The following LILRB5 variants were observed in gnomAD, a reference collection of about 807,000 sequenced individuals.
LILRB5 encodes leukocyte immunoglobulin-like receptor subfamily B member 5.
Under a neutral mutation model 68.4 loss-of-function variants are expected in LILRB5, and 61 were observed. That is an observed-to-expected ratio of 0.89 (90% CI 0.73 to 1.10). The LOEUF is 1.10. Among genes scored for constraint, LILRB5 ranks in the 50% least tolerant of loss-of-function variants. The pLI is 0.00. For synonymous variants in LILRB5, 356 were observed against 315.8 expected, an observed-to-expected ratio of 1.13 and a Z score of -1.35; for missense variants, 771 against 751.6, an observed-to-expected ratio of 1.03 and a Z score of -0.30.
In LILRB5 at chr19:54,254,072, G is replaced by T. The variant is rs900153459; in HGVS notation, c.1307-4C>A. ...AGGGGCTGGTCCTCAGGGCCTGCTGGGTCAGGACGGGGAGGTGAGGGCTGG... is the reference window on the plus strand; with the variant it reads ...AGGGGCTGGTCCTCAGGGCCTGCTGTGTCAGGACGGGGAGGTGAGGGCTGG... On this transcript the variant is annotated splice_polypyrimidine_tract_variant and splice_region_variant and intron_variant, in intron 7 of 12. Coordinates refer to ENST00000449561, the MANE Select transcript of LILRB5 (RefSeq NM_001081442.3). 8.1e-6 allele frequency: 13 copies of T among 1,595,838 alleles called. No homozygotes were observed. The African/African-American group carries it at 1.5e-4, about 18-fold the overall frequency.
At chr19:54,254,178 C>G (rs1466063332) in intron 7 of LILRB5, 110 bp from the exon 8 acceptor site, 31 of 1,512,060 alleles carry the variant, frequency 2.1e-5, no homozygotes, top group East Asian at 2.0e-4. Flanking sequence ...TCTGCCTCGA[C>G]GCCCGCCCCC....
chr19:54,252,607 C>T (rs1226555309), intron 9 of LILRB5, 58 bp from the exon 10 acceptor site: 1 of 1,586,728 alleles, frequency 6.3e-7, no homozygotes, highest in Non-Finnish European at 8.6e-7. Context: ...CTGCCCTGCA[C>T]ACACAACTCG....
chr19:54,252,879 C>A lies in LILRB5; in HGVS notation c.1466G>T (p.Arg489Met). 6.2e-7 allele frequency: 1 copy of A among 1,602,820 alleles called. No homozygotes were observed. The highest frequency in any genetic ancestry group is 8.5e-7 in the Non-Finnish European group (1 of 1,173,010). ...CCCCATTCCCTACTCACCCGATGTC[C>A]TGTGTTTGCTCTGATGCCGATGTCG... ...LLRHRHQSKH[R>M]TSAHFYRPAG... The change falls in exon 9 of 13, where the codon AGG (arginine) becomes ATG (methionine). Residue 489 changes from arginine to methionine, a missense_variant. By Grantham distance (91) the Arg-to-Met change is moderately conservative. Coordinates refer to ENST00000449561, the MANE Select transcript of LILRB5 (RefSeq NM_001081442.3).
At chr19:54,256,921 G>T in intron 2 of LILRB5, 40 bp downstream of exon 2, 1 of 1,614,096 alleles carries the variant, frequency 6.2e-7, no homozygotes, top group Non-Finnish European at 8.5e-7. Context: ...CTTGTCCCCA[G>T]TGAGAAGAAG....
chr19:54,252,605 C>T, intron 9 of LILRB5, 56 bp from the exon 10 acceptor site: 2 of 1,588,750 alleles, frequency 1.3e-6, no homozygotes, highest in Non-Finnish European at 8.6e-7. Context: ...AGCTGCCCTG[C>T]ACACACAACT....
chr19:54,255,634 T>C, intron 4 of LILRB5, 52 bp from the exon 5 acceptor site: 1 of 1,558,690 alleles, frequency 6.4e-7, no homozygotes. Flanking sequence ...CCCCCGCCCC[T>C]TCCTTCTCCC....
chr19:54,255,022 A>G lies in LILRB5; in HGVS notation c.968T>C (p.Ile323Thr), dbSNP rs147620336. Residue 323 changes from isoleucine (I) to threonine (T), a missense_variant, in exon 6 of 13, where the codon ATA becomes ACA. Physicochemically the swap from Ile to Thr is moderately conservative, Grantham distance 89 (BLOSUM62 -1). Coordinates refer to ENST00000449561, the MANE Select transcript of LILRB5 (RefSeq NM_001081442.3). ...GCCCGGCTGCACCGAGAGGGCGGGT[A>G]TGTCAGGGATCAGTCCTGGAGAGAA... is the stretch of plus-strand genomic sequence containing the variant. ...DILIAGLIPD[I>T]PALSVQPGPK... 8.1e-6 allele frequency: 13 copies of G among 1,605,360 alleles called. No homozygotes were observed. The African/African-American group carries it at 1.7e-4, about 22-fold the overall frequency.
rs752583031 is a variant in LILRB5 at position 54,254,587 on chromosome 19, T to A, written c.1255+148A>T. The A allele has an allele frequency of 8.0e-6, 10 of 1,245,820 alleles. No homozygotes were observed. In the Admixed American group the frequency reaches 1.9e-4, roughly 23 times the overall value. 77.2% of individuals were successfully genotyped at this position (1,245,820 alleles called of 1,614,324 possible). ...GCCTGGGGAGCCCCCGTTGTCCTCCTCCCCTCTGAGGGGTGAGTCTCCCTC... is the reference window on the plus strand; with the variant it reads ...GCCTGGGGAGCCCCCGTTGTCCTCCACCCCTCTGAGGGGTGAGTCTCCCTC... On this transcript the variant is annotated intron_variant, in intron 6 of 12. Coordinates refer to ENST00000449561, the MANE Select transcript of LILRB5 (RefSeq NM_001081442.3).
At chr19:54,251,240 T>G in intron 12 of LILRB5, 2 of 1,128,408 alleles carry the variant, frequency 1.8e-6, no homozygotes, top group Non-Finnish European at 2.6e-6. Context: ...TCCTCACTGT[T>G]CCCGGGGTGA....
Position 54,252,384 on chromosome 19 carries a change from T to C in LILRB5, c.1558A>G (p.Ile520Val). ...CACTCACTGAGAATTTCCTCCTGGA[T>C]GTCAGCAACTGGGCTGGCCCTGGGG... The part of the protein sequence containing the change: ...LQKRASPVAD[I>V]QEEILNAAVK... Residue 520 changes from isoleucine to valine, a missense_variant, in exon 11 of 13, where the codon ATC (isoleucine) becomes GTC (valine). Coordinates refer to ENST00000449561, the MANE Select transcript of LILRB5 (RefSeq NM_001081442.3). The C allele has an allele frequency of 6.2e-7, 1 of 1,614,106 alleles. No homozygotes were observed. The highest frequency in any genetic ancestry group is 8.5e-7 in the Non-Finnish European group (1 of 1,180,006).
At chr19:54,254,325 G>C in intron 7 of LILRB5, 40 bp downstream of exon 7, 1 of 1,549,156 alleles carries the variant, frequency 6.5e-7, no homozygotes, top group Non-Finnish European at 8.7e-7. Context: ...CCTGGGGGGA[G>C]ACCACGCTCC....
At chr19:54,251,422 A>C (rs2147605233) in intron 12 of LILRB5, 1 of 581,306 alleles carries the variant, frequency 1.7e-6, no homozygotes, top group South Asian at 2.0e-5. Flanking sequence ...GGGCCTTTGC[A>C]CGGCTGTTTC....
At chr19:54,252,188 A>G in intron 11 of LILRB5, 82 bp from the exon 12 acceptor site, 1 of 1,541,062 alleles carries the variant, frequency 6.5e-7, no homozygotes, top group South Asian at 1.2e-5. Context: ...CCCTGTTCCC[A>G]CTAGGGTGGC....
intron 7 of LILRB5, 118 bp downstream of exon 7, chr19:54,254,247 G>T (rs2147634656): frequency 6.9e-7 from 1 of 1,454,518 alleles, no homozygotes; most frequent in Non-Finnish European, 9.2e-7. Context: ...GCTCTGCCCA[G>T]CTCCCTGGAG....
In LILRB5 at chr19:54,255,036, T is replaced by C. The variant is rs1330876190; in HGVS notation, c.954A>G (p.Gly318=). Residue 318 remains glycine (G), a splice_region_variant and synonymous_variant, in exon 6 of 13, where the codon GGA becomes GGG. Coordinates refer to ENST00000449561, the MANE Select transcript of LILRB5 (RefSeq NM_001081442.3). ...PSDPLDILIA[G]LIPDIPALSV... is the part of the protein sequence containing the mutation. The stretch of plus-strand genomic sequence containing the variant: ...AGAGGGCGGGTATGTCAGGGATCAG[T>C]CCTGGAGAGAAGAAGGATGGGTGAG... 6.3e-7 allele frequency: 1 copy of C among 1,595,974 alleles called. No homozygotes were observed. The highest frequency in any genetic ancestry group is 1.4e-5 in the African/African-American group (1 of 74,060).
At chr19:54,256,406 G>T in intron 3 of LILRB5, 64 bp from the exon 4 acceptor site, 1 of 1,591,672 alleles carries the variant, frequency 6.3e-7, no homozygotes, top group East Asian at 2.2e-5. Flanking sequence ...CCAGGGCTGG[G>T]CTGTGAGAGG....
chr19:54,255,910 G>A (rs960767977), intron 4 of LILRB5, 133 bp downstream of exon 4: 2 of 774,276 alleles, frequency 2.6e-6, no homozygotes, highest in African/African-American at 1.7e-5. Context: ...TCCCCGTGGG[G>A]TCTTCCTCAC....
chr19:54,250,033 A>AAAAAC lies in LILRB5; in HGVS notation c.*748_*752dup, dbSNP rs142765183. 0.19 allele frequency: 28,318 copies of AAAAAC among 152,220 alleles called. 2,728 individuals carry two copies. The highest frequency in any genetic ancestry group is 0.28 in the South Asian group (1,336 of 4,820). The allele number at this position is 152,220 out of a possible 1,614,324, so 9.4% of individuals were successfully genotyped here. On this transcript the variant is annotated 3_prime_UTR_variant, in exon 13 of 13. Transcript: ENST00000449561. ...GGTGATAGAGCGAGACTCCGTCTCA[A>AAAAAC]AAAACAAAACAAAACAAAACAAAAA...
At chr19:54,256,811 C>T (rs749662344) in intron 2 of LILRB5, 38 bp from the exon 3 acceptor site, 2 of 1,611,070 alleles carry the variant, frequency 1.2e-6, no homozygotes, top group Non-Finnish European at 1.7e-6. Context: ...AAGACATCCC[C>T]ATCCCTCAGA....
Sources: allele counts gnomAD v4.1 joint callset, GRCh38; gene constraint gnomAD v4.1.1; transcripts MANE v1.5; gene names NCBI Gene and HGNC (gene_info 2026-07-23, HGNC 2026-07-21).